The following AK5 variants were observed in gnomAD, a reference collection of about 807,000 sequenced individuals.
AK5 encodes adenylate kinase 5.
AK5 carries 27 observed loss-of-function variants against 69.5 expected under a neutral mutation model. The ratio of observed to expected loss-of-function variants is 0.39; its 90% confidence interval spans 0.29 to 0.54. AK5 has a LOEUF of 0.54. Ranked by LOEUF, AK5 falls within the 20% of genes least tolerant of loss-of-function variation. The pLI is 0.71. For missense variants in AK5, 531 were observed against 700.4 expected (o/e 0.76, Z 2.73); for synonymous variants, 260 against 244.4 (o/e 1.06, Z -0.60).
chr1:77,282,955 G>T (rs773771638), intron 1 of AK5: 70 of 985,636 alleles, frequency 7.1e-5, no homozygotes, highest in Non-Finnish European at 8.4e-5. Context: ...CGCTTTCGCT[G>T]AATGAACTCC....
intron 8 of AK5, among the ~76,000 whole-genome samples, chr1:77,435,376 A>G (rs914405196): frequency 1.3e-5 from 2 of 152,196 alleles, no homozygotes; most frequent in African/African-American, 2.4e-5. Context: ...GAGGCTGGGC[A>G]TGGTGGCTCA....
Position 77,464,321 on chromosome 1 carries a change from G to T in AK5, c.1060-18996G>T, listed in dbSNP as rs142439947. Among the ~76,000 whole-genome samples the T allele has an allele frequency of 5.3e-4, 81 of 152,280 alleles. 3 individuals are homozygous for T. In the East Asian group the frequency reaches 0.015, roughly 28 times the overall value. On this transcript the variant is annotated intron_variant, in intron 8 of 13. Transcript: ENST00000354567. ...GCCAGGCTCCTTCCTGCTGCAAAGG[G>T]TGCCAACTTCCCCGAGGCTCCACCC... is the stretch of plus-strand genomic sequence containing the variant.
chr1:77,480,877 C>T (rs1655211706), intron 8 of AK5, among the ~76,000 whole-genome samples: 1 of 152,216 alleles, frequency 6.6e-6, no homozygotes, highest in South Asian at 2.1e-4. Context: ...GAAGCAGAGC[C>T]TGAGACAAGA....
chr1:77,558,656 G>A lies in AK5; in HGVS notation c.1675G>A (p.Asp559Asn), dbSNP rs770239158. The change falls in exon 14 of 14, where the codon GAC (aspartate) becomes AAC (asparagine). Residue 559 changes from aspartate to asparagine, a missense_variant. Physicochemically the swap from Asp to Asn is conservative, Grantham distance 23 (BLOSUM62 1). Coordinates refer to ENST00000354567, the MANE Select transcript of AK5 (RefSeq NM_174858.3). ...DVFLQLCTAI[D>N]SIF Reference sequence around the variant, plus strand: ...TTTTCTTCAACTCTGCACAGCTATTGACTCTATTTTCTGAAGGCAAAAATG... The same window carrying A: ...TTTTCTTCAACTCTGCACAGCTATTAACTCTATTTTCTGAAGGCAAAAATG... 9.8e-6 allele frequency: 15 copies of A among 1,531,876 alleles called. No homozygotes were observed. The highest frequency in any genetic ancestry group is 1.3e-5 in the Non-Finnish European group (15 of 1,128,738). 94.9% of individuals were successfully genotyped at this position (1,531,876 alleles called of 1,614,324 possible).
rs59556669 is a variant in AK5, at chr1:77,498,597, T to C, written c.1147+12245T>C. On this transcript the variant is annotated intron_variant, in intron 10 of 13. Transcript: ENST00000354567. ...ACCTGTCATGTGGAAGTATTGATTGTGTCTAGGTCATGGGGTTGATGGGAG... is the reference window on the plus strand; with the variant it reads ...ACCTGTCATGTGGAAGTATTGATTGCGTCTAGGTCATGGGGTTGATGGGAG... Among the ~76,000 whole-genome samples, 2,993 of 152,240 alleles carry C rather than the reference T, an allele frequency of 0.02. 151 individuals carry two copies. In the East Asian group the frequency reaches 0.22, roughly 11 times the overall value.
At chr1:77,558,510 G>T in intron 13 of AK5, 92 bp from the exon 14 acceptor site, 1 of 810,738 alleles carries the variant, frequency 1.2e-6, no homozygotes, top group Non-Finnish European at 2.0e-6. Flanking sequence ...ATTTTGCAGA[G>T]CAAATTATGA....
intron 12 of AK5, among the ~76,000 whole-genome samples, chr1:77,525,539 C>G (rs772660882): frequency 6.6e-6 from 1 of 152,042 alleles, no homozygotes; most frequent in Non-Finnish European, 1.5e-5. Context: ...GGCAGAGGCC[C>G]CTGACGCTTT....
intron 8 of AK5, among the ~76,000 whole-genome samples, chr1:77,463,697 C>T (rs1395398131): frequency 1.3e-5 from 2 of 152,100 alleles, no homozygotes; most frequent in Non-Finnish European, 2.9e-5. Flanking sequence ...AATTTCCCTC[C>T]GTTGTGTGTC....
intron 13 of AK5, among the ~76,000 whole-genome samples, chr1:77,550,488 A>G (rs1006085569): frequency 2.6e-5 from 4 of 152,194 alleles, no homozygotes. Context: ...AAGTTTACAC[A>G]ATTACTGAGG....
intron 6 of AK5, among the ~76,000 whole-genome samples, chr1:77,408,964 T>C (rs1222543663): frequency 1.3e-5 from 2 of 152,182 alleles, no homozygotes; most frequent in African/African-American, 2.4e-5. Flanking sequence ...TTCTTTGTGT[T>C]CATAAGTTCT....
intron 6 of AK5, among the ~76,000 whole-genome samples, chr1:77,378,889 G>A (rs1054775189): frequency 3.3e-5 from 5 of 152,174 alleles, no homozygotes; most frequent in Admixed American, 1.3e-4. Flanking sequence ...TAGAAAAGAG[G>A]TAAAATAAAC....
intron 6 of AK5, among the ~76,000 whole-genome samples, chr1:77,357,953 T>TA (rs1662619875): frequency 6.6e-6 from 1 of 151,032 alleles, no homozygotes; most frequent in African/African-American, 2.4e-5. Context: ...CTAAAAATCT[T>TA]ACAGTTCCTT....
chr1:77,417,057 A>G (rs1452394039), intron 7 of AK5, among the ~76,000 whole-genome samples: 2 of 152,242 alleles, frequency 1.3e-5, no homozygotes, highest in African/African-American at 4.8e-5. Context: ...CTCTCTATTC[A>G]TACATTAAGT....
intron 6 of AK5, among the ~76,000 whole-genome samples, chr1:77,375,757 A>C (rs74090498): frequency 0.012 from 1,808 of 152,268 alleles, 39 homozygotes; most frequent in African/African-American, 0.041. Context: ...GTGATAATCA[A>C]ATAGATTCAA....
At chr1:77,311,855 TGAA>T (rs1481400496) in intron 5 of AK5, among the ~76,000 whole-genome samples, 4 of 152,076 alleles carry the variant, frequency 2.6e-5, no homozygotes, top group South Asian at 2.1e-4. Context: ...TGTAAGACTT[TGAA>T]GAAGGTTTTC....
At chr1:77,443,127 T>G (rs1269855761) in intron 8 of AK5, among the ~76,000 whole-genome samples, 1 of 150,062 alleles carries the variant, frequency 6.7e-6, no homozygotes, top group South Asian at 2.2e-4. Flanking sequence ...TTCCTGCCAC[T>G]GAACTCCTAA....
chr1:77,327,253 A>C (rs1408854243), intron 5 of AK5, among the ~76,000 whole-genome samples: 1 of 152,086 alleles, frequency 6.6e-6, no homozygotes, highest in Non-Finnish European at 1.5e-5. Flanking sequence ...TAAACTGGGC[A>C]TGGTGGCATG....
intron 7 of AK5, among the ~76,000 whole-genome samples, chr1:77,414,202 A>T (rs566904750): frequency 5.4e-4 from 82 of 152,272 alleles, no homozygotes; most frequent in African/African-American, 1.9e-3. Context: ...ATGAAACACA[A>T]CCCTTACAGG....
intron 6 of AK5, among the ~76,000 whole-genome samples, chr1:77,404,026 T>C (rs1377306399): frequency 1.3e-5 from 2 of 152,180 alleles, no homozygotes; most frequent in Non-Finnish European, 2.9e-5. Context: ...CCCTCGTAAG[T>C]TGGATTCCTA....
Sources: allele counts gnomAD v4.1 joint callset (sites outside exome capture counted in the v4.1 genomes callset), GRCh38; gene constraint gnomAD v4.1.1; transcripts MANE v1.5; gene names NCBI Gene and HGNC (gene_info 2026-07-23, HGNC 2026-07-21).